Variants in MICU2 observed in about 807,000 individuals in gnomAD.
The protein encoded by MICU2 is calcium uptake protein 2, mitochondrial.
A neutral mutation model predicts 60.4 loss-of-function variants in MICU2; 64 were observed. The ratio of observed to expected loss-of-function variants is 1.06; its 90% CI spans 0.87 to 1.31. The LOEUF (loss-of-function observed/expected upper bound fraction) is 1.31. MICU2 is among the 50% of genes most tolerant of loss of function. The probability of loss-of-function intolerance (pLI) is 0.00; values close to 1 mark genes in which losing one functional copy is unlikely to be tolerated. For synonymous variants in MICU2, 201 were observed against 175.0 expected, an observed-to-expected ratio of 1.15 and a Z score of -1.17; for missense variants, 569 against 531.0, an observed-to-expected ratio of 1.07 and a Z score of -0.70.
intron 2 of MICU2, among the ~76,000 whole-genome samples, chr13:21,554,320 A>AT: frequency 6.6e-6 from 1 of 152,360 alleles, no homozygotes; most frequent in South Asian, 2.1e-4. Context: ...AACAGAAATT[A>AT]TAACAAACTG....
intron 9 of MICU2, among the ~76,000 whole-genome samples, chr13:21,501,213 G>A (rs1480615078): frequency 1.3e-5 from 2 of 151,458 alleles, no homozygotes; most frequent in Admixed American, 1.3e-4. Context: ...AACTGTTTTA[G>A]TTACCAAGGT....
At chr13:21,538,570 A>AAAAAC (rs1555272823) in intron 4 of MICU2, among the ~76,000 whole-genome samples, 1 of 151,142 alleles carries the variant, frequency 6.6e-6, no homozygotes, top group East Asian at 1.9e-4. Context: ...CTCAAAAAAA[A>AAAAAC]AAAAAAAAAA....
intron 4 of MICU2, chr13:21,531,434 C>T (rs1886997145): frequency 1.4e-6 from 1 of 712,368 alleles, no homozygotes; most frequent in African/African-American, 1.8e-5. Flanking sequence ...CAAAGTGCAT[C>T]ACACAGGTAT....
At chr13:21,529,190 T>C (rs571974195) in intron 4 of MICU2, among the ~76,000 whole-genome samples, 1 of 152,304 alleles carries the variant, frequency 6.6e-6, no homozygotes, top group East Asian at 1.9e-4. Context: ...GACTTTGTGT[T>C]TGATTGAATA....
intron 1 of MICU2, among the ~76,000 whole-genome samples, chr13:21,579,149 G>A (rs891389677): frequency 6.6e-6 from 1 of 152,112 alleles, no homozygotes; most frequent in African/African-American, 2.4e-5. Context: ...CAAAGAATGA[G>A]CCAGATATTA....
At chr13:21,516,305 A>G (rs1886568753) in intron 6 of MICU2, among the ~76,000 whole-genome samples, 1 of 152,176 alleles carries the variant, frequency 6.6e-6, no homozygotes, top group Non-Finnish European at 1.5e-5. Context: ...AAATTCAAAT[A>G]AATGAAATTA....
At position 21,530,829 on chromosome 13, in the gene MICU2, C is replaced by T. The variant is rs552542869; in HGVS notation, c.467-8179G>A. 2.8e-5 allele frequency: 21 copies of T among 737,484 alleles called. No homozygotes were observed. In the East Asian group the frequency reaches 4.8e-4, roughly 17 times the overall value. 45.7% of individuals were successfully genotyped at this position (737,484 alleles called of 1,614,324 possible). A position where few individuals can be genotyped will look rare whatever the true frequency, so the allele number is the denominator to read the frequency against. On this transcript the variant is annotated intron_variant, in intron 4 of 11. Transcript: ENST00000382374. ...GCCGAGGCCAGGCAAGCCGTGGTGC[C>T]CCCATGGACGACGGGTTTCTGAGCC...
intron 2 of MICU2, among the ~76,000 whole-genome samples, chr13:21,563,655 A>T (rs1887905296): frequency 6.6e-6 from 1 of 151,266 alleles, no homozygotes; most frequent in African/African-American, 2.4e-5. Context: ...TATATGTTAC[A>T]CCTTTTATAA....
intron 4 of MICU2, among the ~76,000 whole-genome samples, chr13:21,525,518 CCCTACCTTTT>C (rs1219987188): frequency 1.3e-5 from 2 of 151,738 alleles, no homozygotes; most frequent in Non-Finnish European, 2.9e-5. Context: ...TGAGGAATCG[CCCTACCTTTT>C]CCACAGCAGC....
chr13:21,544,528 A>AAAC (rs1555273311), intron 2 of MICU2, among the ~76,000 whole-genome samples: 3 of 148,088 alleles, frequency 2.0e-5, no homozygotes, highest in African/African-American at 7.4e-5. Context: ...AAAAAAAAAA[A>AAAC]AAAAAACTCA....
At chr13:21,525,012 C>T (rs921385938) in intron 4 of MICU2, among the ~76,000 whole-genome samples, 2 of 152,026 alleles carry the variant, frequency 1.3e-5, no homozygotes, top group African/African-American at 4.8e-5. Context: ...TTTGTTTATC[C>T]ACTCACCTGC....
intron 11 of MICU2, among the ~76,000 whole-genome samples, chr13:21,493,747 T>C (rs1185800781): frequency 1.3e-5 from 2 of 151,998 alleles, no homozygotes; most frequent in South Asian, 2.1e-4. Context: ...AGAATACAAT[T>C]ATAAGCCTAA....
At chr13:21,544,516 G>GAT (rs1887360880) in intron 2 of MICU2, among the ~76,000 whole-genome samples, 1 of 77,390 alleles carries the variant, frequency 1.3e-5, no homozygotes. Flanking sequence ...ATAAACACAT[G>GAT]AAAAAAAAAA....
chr13:21,592,100 TA>T (rs1364066591), intron 1 of MICU2, among the ~76,000 whole-genome samples: 1 of 147,484 alleles, frequency 6.8e-6, no homozygotes, highest in African/African-American at 2.5e-5. Context: ...GAAAAAAAAT[TA>T]ACAAAATAGA....
chr13:21,585,555 A>T lies in MICU2; in HGVS notation c.210+18384T>A, dbSNP rs182393392. Among the ~76,000 whole-genome samples the T allele has an allele frequency of 2.1e-3, 319 of 152,338 alleles. 1 individual carries two copies. Among genetic ancestry groups the T allele is most frequent in the African/African-American group, 7.4e-3 (309 of 41,578 alleles). ...TATATTTTTTCTTTTTCACAAAAAT[A>T]ATCACTACAAATCTATGGTCAGACA... On this transcript the variant is annotated intron_variant, in intron 1 of 11. Transcript: ENST00000382374.
At chr13:21,539,834 T>G in intron 2 of MICU2, 146 bp from the exon 3 acceptor site, 1 of 693,866 alleles carries the variant, frequency 1.4e-6, no homozygotes, top group East Asian at 2.8e-5. Context: ...CTAATATCCT[T>G]AAGCCATAAT....
chr13:21,591,326 T>A (rs2138069512), intron 1 of MICU2, among the ~76,000 whole-genome samples: 1 of 152,048 alleles, frequency 6.6e-6, no homozygotes, highest in East Asian at 1.9e-4. Context: ...CAAGAGCTAT[T>A]CTAAATATAT....
At chr13:21,548,382 T>G (rs1387680542) in intron 2 of MICU2, among the ~76,000 whole-genome samples, 3 of 152,260 alleles carry the variant, frequency 2.0e-5, no homozygotes, top group Admixed American at 6.5e-5. Context: ...TAATCTAAAA[T>G]ATGTAGCTGC....
In MICU2 at chr13:21,566,864, T is replaced by C. The variant is rs773853625; in HGVS notation, c.291A>G (p.Glu97=). Residue 97 remains glutamate, a synonymous_variant, in exon 2 of 12, where the codon GAA becomes GAG. Transcript: ENST00000382374. ...KQRFMQFSSL[E]HEGEYYMTPR... is the part of the protein sequence containing the mutation. ...GTGTCATATAATATTCTCCTTCATG[T>C]TCGAGTGAAGAAAACTGCATGAAGC... The C allele has an allele frequency of 6.2e-7, 1 of 1,613,144 alleles. No individual in the cohort carries two copies. Among genetic ancestry groups the C allele is most frequent in the Non-Finnish European group, 8.5e-7 (1 of 1,179,518 alleles).
Sources: allele counts gnomAD v4.1 joint callset (sites outside exome capture counted in the v4.1 genomes callset), GRCh38; gene constraint gnomAD v4.1.1; transcripts MANE v1.5; gene names NCBI Gene and HGNC (gene_info 2026-07-23, HGNC 2026-07-21).